The following USP25 variants were observed in gnomAD, a reference collection of about 807,000 sequenced individuals.
USP25 encodes the protein ubiquitin carboxyl-terminal hydrolase 25.
Under a neutral mutation model 158.5 loss-of-function variants are expected in USP25, and 85 were observed. The ratio of observed to expected loss-of-function variants is 0.54; its 90% CI spans 0.45 to 0.64. The LOEUF is 0.64. Among genes scored for constraint, USP25 ranks in the 30% least tolerant of loss-of-function variants. The pLI, the probability that USP25 is intolerant of heterozygous loss-of-function variation, is 0.00. For synonymous variants in USP25, 464 were observed against 460.4 expected, an observed-to-expected ratio of 1.01 and a Z score of -0.10; for missense variants, 1,242 against 1,327.3, an observed-to-expected ratio of 0.94 and a Z score of 1.00.
intron 4 of USP25, 89 bp downstream of exon 4, chr21:15,778,116 G>A (rs1313716749): frequency 9.7e-6 from 12 of 1,241,428 alleles, no homozygotes; most frequent in Non-Finnish European, 1.2e-5. Context: ...GAGGTAATAA[G>A]ATATACTTTG....
Sources: allele counts gnomAD v4.1 joint callset, GRCh38; gene constraint gnomAD v4.1.1; transcripts MANE v1.5; gene names NCBI Gene and HGNC (gene_info 2026-07-23, HGNC 2026-07-21).